Variants in LDLRAD3 observed in about 807,000 individuals in gnomAD.
The protein encoded by LDLRAD3 is low-density lipoprotein receptor class A domain-containing protein 3.
LDLRAD3 carries 20 observed loss-of-function variants against 29.4 expected under a neutral mutation model. The ratio of observed to expected loss-of-function variants is 0.68; its 90% CI spans 0.48 to 0.99. The LOEUF (loss-of-function observed/expected upper bound fraction) is 0.99. Among genes scored for constraint, LDLRAD3 ranks in the 50% least tolerant of loss-of-function variants. The probability of loss-of-function intolerance (pLI) is 0.00; values close to 1 mark genes in which losing one functional copy is unlikely to be tolerated. For synonymous variants in LDLRAD3, 157 were observed against 192.7 expected (o/e 0.81, Z 1.53); for missense variants, 420 against 454.3 (o/e 0.92, Z 0.69).
At chr11:36,078,521 T>G (rs1422078209) in intron 2 of LDLRAD3, among the ~76,000 whole-genome samples, 1 of 152,178 alleles carries the variant, frequency 6.6e-6, no homozygotes, top group Non-Finnish European at 1.5e-5. Context: ...TCAACTTTGC[T>G]CCATGATCTG....
intron 1 of LDLRAD3, among the ~76,000 whole-genome samples, chr11:35,966,259 T>C (rs1353866641): frequency 1.3e-5 from 2 of 152,120 alleles, no homozygotes; most frequent in African/African-American, 4.8e-5. Flanking sequence ...ACCCCATCTC[T>C]ACTAAAAATA....
rs1444358019 is a variant in LDLRAD3 at position 35,984,171 on chromosome 11, A to G, written c.46+40027A>G. ...ACATTTTAGAAAGGGCCCTCACACTACTAATTGCAAAATAAACATCTTCAG... is the reference window on the plus strand; with the variant it reads ...ACATTTTAGAAAGGGCCCTCACACTGCTAATTGCAAAATAAACATCTTCAG... On this transcript the variant is annotated intron_variant, in intron 1 of 5. Transcript: ENST00000315571. 2.6e-5 allele frequency among the ~76,000 whole-genome samples: 4 copies of G among 152,154 alleles called. No individual in the cohort carries two copies. In the South Asian group the frequency reaches 6.2e-4, roughly 24 times the overall value.
rs1855546962 is a variant in LDLRAD3, at chr11:36,229,466, T to C, written c.*69T>C. 3.4e-6 allele frequency: 4 copies of C among 1,182,272 alleles called. No individual in the cohort carries two copies. The highest frequency in any genetic ancestry group is 4.9e-6 in the Non-Finnish European group (4 of 812,978). 73.2% of individuals were successfully genotyped at this position (1,182,272 alleles called of 1,614,324 possible). On this transcript the variant is annotated 3_prime_UTR_variant, in exon 6 of 6. Transcript: ENST00000315571. ...TTGTTGCCATTCTAACAATTTGTGC[T>C]CATGGGAAGCTCTTTAAGCACCTGT...
At chr11:36,221,308 G>T (rs1855423274) in intron 4 of LDLRAD3, among the ~76,000 whole-genome samples, 1 of 151,570 alleles carries the variant, frequency 6.6e-6, no homozygotes, top group South Asian at 2.1e-4. Flanking sequence ...CCAAGATCGT[G>T]CAGTAGCCAA....
chr11:35,948,235 G>T (rs997804927), intron 1 of LDLRAD3, among the ~76,000 whole-genome samples: 10 of 152,196 alleles, frequency 6.6e-5, no homozygotes, highest in Non-Finnish European at 1.3e-4. Flanking sequence ...AGATGCCTTG[G>T]AGTGATGGAA....
chr11:36,170,594 G>T (rs1043181502), intron 4 of LDLRAD3, among the ~76,000 whole-genome samples: 1 of 151,958 alleles, frequency 6.6e-6, no homozygotes, highest in Non-Finnish European at 1.5e-5. Flanking sequence ...GTTTTCCATA[G>T]TGGTTGTACT....
chr11:36,219,303 TA>T (rs759220715), intron 4 of LDLRAD3, among the ~76,000 whole-genome samples: 19 of 152,342 alleles, frequency 1.2e-4, no homozygotes, highest in East Asian at 5.8e-4. Flanking sequence ...ATTTCTATAT[TA>T]TTTTTTTTTA....
chr11:35,955,414 G>T (rs907768900), intron 1 of LDLRAD3, among the ~76,000 whole-genome samples: 5 of 152,154 alleles, frequency 3.3e-5, no homozygotes, highest in Non-Finnish European at 5.9e-5. Flanking sequence ...AGTGGAAGGT[G>T]ATATGAATAC....
At chr11:36,191,593 TATATATAC>T (rs1318780790) in intron 4 of LDLRAD3, among the ~76,000 whole-genome samples, 5 of 107,542 alleles carry the variant, frequency 4.6e-5, no homozygotes, top group African/African-American at 7.6e-5. Context: ...TATATATATA[TATATATAC>T]ACACACACAC....
rs898193987 is a variant in LDLRAD3, at chr11:35,969,851, A to G, written c.46+25707A>G. Among the ~76,000 whole-genome samples, 4 of 152,312 alleles carry G rather than the reference A, an allele frequency of 2.6e-5. No individual in the cohort carries two copies. In the South Asian group the frequency reaches 8.3e-4, roughly 32 times the overall value. On this transcript the variant is annotated intron_variant, in intron 1 of 5. Transcript: ENST00000315571. ...TGCGTGGAGTTTTTTTCAGAGACCC[A>G]CTGATAAAATATTTACTTCAGTGAC...
chr11:36,162,514 G>T (rs1026466360), intron 4 of LDLRAD3, among the ~76,000 whole-genome samples: 1 of 152,214 alleles, frequency 6.6e-6, no homozygotes, highest in Non-Finnish European at 1.5e-5. Context: ...GCAGGGAAAT[G>T]ACATGTGAAT....
chr11:36,035,801 G>A lies in LDLRAD3; in HGVS notation c.47-302G>A, dbSNP rs538255182. Among the ~76,000 whole-genome samples the A allele has an allele frequency of 1.1e-4, 17 of 152,262 alleles. No individual in the cohort carries two copies. The South Asian group carries it at 3.5e-3, about 32-fold the overall frequency. ...TTAACCACTGCTGATGGCCAGAAAA[G>A]AACATTTGGATTTTACAACCAGTCT... On this transcript the variant is annotated intron_variant, in intron 1 of 5. Coordinates refer to ENST00000315571, the MANE Select transcript of LDLRAD3 (RefSeq NM_174902.4).
chr11:36,022,600 A>C (rs1301123805), intron 1 of LDLRAD3, among the ~76,000 whole-genome samples: 1 of 152,168 alleles, frequency 6.6e-6, no homozygotes, highest in Non-Finnish European at 1.5e-5. Flanking sequence ...ATATATAAGG[A>C]AACTGAGGCA....
intron 4 of LDLRAD3, among the ~76,000 whole-genome samples, chr11:36,101,044 A>G (rs1173150551): frequency 6.6e-6 from 1 of 152,170 alleles, no homozygotes; most frequent in Non-Finnish European, 1.5e-5. Flanking sequence ...GTGGACACAT[A>G]CATATGAAGC....
chr11:36,028,735 T>G (rs1272992135), intron 1 of LDLRAD3, among the ~76,000 whole-genome samples: 1 of 152,176 alleles, frequency 6.6e-6, no homozygotes, highest in Non-Finnish European at 1.5e-5. Context: ...TATTTTGAAT[T>G]TAATCAATAA....
intron 4 of LDLRAD3, among the ~76,000 whole-genome samples, chr11:36,226,709 A>G (rs1046096015): frequency 6.6e-6 from 1 of 152,184 alleles, no homozygotes; most frequent in Non-Finnish European, 1.5e-5. Context: ...TTCCCACTCC[A>G]GGCAACCACT....
At chr11:36,035,057 A>C (rs1369581299) in intron 1 of LDLRAD3, among the ~76,000 whole-genome samples, 3 of 152,162 alleles carry the variant, frequency 2.0e-5, no homozygotes, top group African/African-American at 7.2e-5. Flanking sequence ...AATAAGCCCT[A>C]GCCTTTATCT....
chr11:36,180,566 G>A (rs1162127132), intron 4 of LDLRAD3, among the ~76,000 whole-genome samples: 1 of 152,172 alleles, frequency 6.6e-6, no homozygotes, highest in Non-Finnish European at 1.5e-5. Flanking sequence ...GCCTTATGAG[G>A]CATTGAAGGG....
rs545072814 is a variant in LDLRAD3 at position 35,959,752 on chromosome 11, T to C, written c.46+15608T>C. 1.2e-4 allele frequency among the ~76,000 whole-genome samples: 19 copies of C among 152,038 alleles called. No individual in the cohort carries two copies. In the South Asian group the frequency reaches 4.0e-3, roughly 32 times the overall value. ...GCCTGGCTCACATGGTGAAACCCCA[T>C]CTCTACTAAAAATATACAGAAAAAA... On this transcript the variant is annotated intron_variant, in intron 1 of 5. Coordinates refer to ENST00000315571, the MANE Select transcript of LDLRAD3 (RefSeq NM_174902.4).
Sources: gnomAD v4.1 joint callset for allele counts (sites outside exome capture counted in the v4.1 genomes callset) on GRCh38, gnomAD v4.1.1 for gene constraint, MANE v1.5 for transcripts, NCBI Gene and HGNC (gene_info 2026-07-23, HGNC 2026-07-21) for gene names.